ACY1: variants seen among roughly 807,000 people sequenced by gnomAD.
ACY1 encodes aminoacylase-1.
A neutral mutation model predicts 53.3 loss-of-function variants in ACY1; 38 were observed. The observed-to-expected ratio is 0.71, with a 90% CI of 0.55 to 0.93. The LOEUF is 0.93. Among genes scored for constraint, ACY1 ranks in the 40% least tolerant of loss-of-function variants. The pLI is 0.00. For synonymous variants in ACY1, 177 were observed against 202.1 expected (o/e 0.88, Z 1.05); for missense variants, 484 against 540.9 (o/e 0.89, Z 1.04).
intron 4 of ACY1, 74 bp from the exon 5 acceptor site, chr3:51,985,778 A>G: frequency 7.8e-7 from 1 of 1,288,446 alleles, no homozygotes; most frequent in Middle Eastern, 1.8e-4. Context: ...CTCCTAGGGC[A>G]GGGCCACTGT....
intron 5 of ACY1, 83 bp from the exon 6 acceptor site, chr3:51,986,172 A>G: frequency 7.0e-7 from 1 of 1,422,418 alleles, no homozygotes; most frequent in South Asian, 1.2e-5. Context: ...TCCAGGACAC[A>G]GGACTCCAGC....
rs371090325 is a variant in ACY1, at chr3:51,984,842, A to G, written c.95-365A>G. 1.2e-3 allele frequency: 345 copies of G among 292,544 alleles called. 2 individuals are homozygous for G. The highest frequency in any genetic ancestry group is 7.4e-3 in the African/African-American group (331 of 44,574). 18.1% of individuals were successfully genotyped at this position (292,544 alleles called of 1,614,324 possible). On this transcript the variant is annotated intron_variant, in intron 2 of 14. Transcript: ENST00000636358. ...AAAAAAAAAAAAAAAAAGGAAAAGAAAAAAAAAAAACTTAGTGGCTGGGAA... is the reference window on the plus strand; with the variant it reads ...AAAAAAAAAAAAAAAAAGGAAAAGAGAAAAAAAAAACTTAGTGGCTGGGAA...
At chr3:51,986,800 T>C in intron 8 of ACY1, 139 bp downstream of exon 8, 1 of 1,312,262 alleles carries the variant, frequency 7.6e-7, no homozygotes. Context: ...CCCAGCTCTT[T>C]CCTATCTGAG....
In ACY1 at chr3:51,986,984, C is replaced by G. The variant is rs778785581; in HGVS notation, c.584-4C>G. 3 of 1,612,068 alleles carry G rather than the reference C, an allele frequency of 1.9e-6. No homozygotes were observed. The highest frequency in any genetic ancestry group is 2.2e-5 in the East Asian group (1 of 44,886). ...GACACTGCCTTCCCCCTACACCTCC[C>G]CAGGGGTGCGGGTTACCAGCACTGG... On this transcript the variant is annotated splice_polypyrimidine_tract_variant and splice_region_variant and intron_variant, in intron 8 of 14. Coordinates refer to ENST00000636358, the MANE Select transcript of ACY1 (RefSeq NM_000666.3).
Position 51,985,960 on chromosome 3 carries a change from A to C in ACY1, c.359+14A>C, listed in dbSNP as rs1306238286. On this transcript the variant is annotated intron_variant, in intron 5 of 14. Transcript: ENST00000636358. ...CGTCAGCATCCAGTGAGTGTCCTCC[A>C]TTCCTACTCCTCCACAATGTCCCCA... 6.2e-7 allele frequency: 1 copy of C among 1,603,804 alleles called. No individual in the cohort carries two copies. The highest frequency in any genetic ancestry group is 2.2e-5 in the East Asian group (1 of 44,500).
chr3:51,985,190 A>T lies in ACY1; in HGVS notation c.95-17A>T. On this transcript the variant is annotated splice_polypyrimidine_tract_variant and intron_variant, in intron 2 of 14. Coordinates refer to ENST00000636358, the MANE Select transcript of ACY1 (RefSeq NM_000666.3). Reference sequence around the variant, plus strand: ...GTGGGTAGGCAGAAGCAGCCCCAAGACACTCTGTGCCTCCAGGAGCTGCTG... The same window carrying T: ...GTGGGTAGGCAGAAGCAGCCCCAAGTCACTCTGTGCCTCCAGGAGCTGCTG... 6.3e-7 allele frequency: 1 copy of T among 1,598,156 alleles called. No homozygotes were observed.
At chr3:51,984,264 T>A in intron 2 of ACY1, 106 bp downstream of exon 2, 2 of 1,060,512 alleles carry the variant, frequency 1.9e-6, no homozygotes, top group South Asian at 2.7e-5. Context: ...CACTCTGCTG[T>A]CCCAAATGGC....
chr3:51,988,033 T>C (rs1701134309), intron 12 of ACY1: 1 of 297,426 alleles, frequency 3.4e-6, no homozygotes, highest in Non-Finnish European at 6.5e-6. Flanking sequence ...GCCCAGCTAA[T>C]TTTTGCATTT....
At chr3:51,985,138 C>G (rs1701011793) in intron 2 of ACY1, 69 bp from the exon 3 acceptor site, 1 of 1,525,772 alleles carries the variant, frequency 6.6e-7, no homozygotes, top group South Asian at 1.2e-5. Context: ...GCTCCACTCT[C>G]CGGGCTGCCT....
At chr3:51,984,840 G>GAAAA in intron 2 of ACY1, 1 of 211,530 alleles carries the variant, frequency 4.7e-6, no homozygotes. Context: ...AAAAGGAAAA[G>GAAAA]AAAAAAAAAA....
Position 51,986,507 on chromosome 3 carries a change from G to A in ACY1, c.526+3G>A. 2 of 1,614,128 alleles carry A rather than the reference G, an allele frequency of 1.2e-6. No individual in the cohort carries two copies. Among genetic ancestry groups the A allele is most frequent in the Middle Eastern group, 1.6e-4 (1 of 6,062 alleles). On this transcript the variant is annotated splice_donor_region_variant and intron_variant, in intron 7 of 14. Coordinates refer to ENST00000636358, the MANE Select transcript of ACY1 (RefSeq NM_000666.3). Reference sequence around the variant, plus strand: ...GGCAGGCTTTGCCCTGGATGAGGGTGAGCAGGTTGGCAAGCCAATGAGCAG... The same window carrying A: ...GGCAGGCTTTGCCCTGGATGAGGGTAAGCAGGTTGGCAAGCCAATGAGCAG...
intron 6 of ACY1, 37 bp downstream of exon 6, chr3:51,986,368 G>A (rs771815876): frequency 6.2e-7 from 1 of 1,608,418 alleles, no homozygotes. Flanking sequence ...AAAGGGGAGG[G>A]TGGGGCGGGG....
rs1430903744 is a variant in ACY1, at chr3:51,986,673, C to G, written c.583+12C>G. On this transcript the variant is annotated intron_variant, in intron 8 of 14. Coordinates refer to ENST00000636358, the MANE Select transcript of ACY1 (RefSeq NM_000666.3). ...GCGGAGTCCCTGGTGTAAGTATGAG[C>G]TTGGAGGGAGGGCTCACTCTACAGG... 3.1e-6 allele frequency: 5 copies of G among 1,613,494 alleles called. No individual in the cohort carries two copies. The South Asian group carries it at 5.5e-5, about 18-fold the overall frequency.
At chr3:51,984,270 A>C in intron 2 of ACY1, 112 bp downstream of exon 2, 4 of 963,886 alleles carry the variant, frequency 4.1e-6, no homozygotes, top group Non-Finnish European at 6.5e-6. Flanking sequence ...GCTGTCCCAA[A>C]TGGCTCCCCA....
Position 51,988,596 on chromosome 3 carries a change from A to C in ACY1, c.994A>C (p.Lys332Gln), listed in dbSNP as rs762117538. 1 of 1,614,096 alleles carries C rather than the reference A, an allele frequency of 6.2e-7. No individual in the cohort carries two copies. The highest frequency in any genetic ancestry group is 8.5e-7 in the Non-Finnish European group (1 of 1,179,998). ...GTGGGCAGCTTTTAGCCGGGTCTGCAAGGATATGTGAGCACGCTGGCCAGC... is the reference window on the plus strand; with the variant it reads ...GTGGGCAGCTTTTAGCCGGGTCTGCCAGGATATGTGAGCACGCTGGCCAGC... Reference protein sequence around the residue: ...PWWAAFSRVCKDMNLTLEPEI... With the variant: ...PWWAAFSRVCQDMNLTLEPEI... The change falls in exon 13 of 15, where the codon AAG becomes CAG. Residue 332 changes from lysine (K) to glutamine (Q), a missense_variant. Coordinates refer to ENST00000636358, the MANE Select transcript of ACY1 (RefSeq NM_000666.3).
Position 51,985,444 on chromosome 3 carries a change from G to A in ACY1, c.243G>A (p.Thr81=), listed in dbSNP as rs757187467. 17 of 1,613,918 alleles carry A rather than the reference G, an allele frequency of 1.1e-5. No individual in the cohort carries two copies. Among genetic ancestry groups the A allele is most frequent in the East Asian group, 6.7e-5 (3 of 44,892 alleles). ...TLSSILLNSH[T]DVVPVFKEHW... ...CCTCCATCTTGCTCAACTCCCACAC[G>A]GATGTGGTGCCTGTCTTCAAGGTGT... The change falls in exon 4 of 15, where the codon ACG becomes ACA. Residue 81 remains threonine, a synonymous_variant. Coordinates refer to ENST00000636358, the MANE Select transcript of ACY1 (RefSeq NM_000666.3).
rs1028748743 is a variant in ACY1, at chr3:51,988,609, C to G, written c.1001+6C>G. On this transcript the variant is annotated splice_donor_region_variant and intron_variant, in intron 13 of 14. Transcript: ENST00000636358. Reference sequence around the variant, plus strand: ...AGCCGGGTCTGCAAGGATATGTGAGCACGCTGGCCAGCTCTCCTCACAGCC... The same window carrying G: ...AGCCGGGTCTGCAAGGATATGTGAGGACGCTGGCCAGCTCTCCTCACAGCC... 8.7e-6 allele frequency: 14 copies of G among 1,614,118 alleles called. No homozygotes were observed. The highest frequency in any genetic ancestry group is 1.1e-5 in the Non-Finnish European group (13 of 1,179,984).
rs769973427 is a variant in ACY1, at chr3:51,985,381, G to A, written c.180G>A (p.Val60=). The A allele has an allele frequency of 2.7e-5, 44 of 1,613,974 alleles. No homozygotes were observed. Among genetic ancestry groups the A allele is most frequent in the Non-Finnish European group, 3.3e-5 (39 of 1,180,028 alleles). The change falls in exon 4 of 15, where the codon GTG becomes GTA. Residue 60 remains valine, a synonymous_variant. Coordinates refer to ENST00000636358, the MANE Select transcript of ACY1 (RefSeq NM_000666.3). ...TCCAGGTGGCACCTGGCTATGTGGTGACCGTGTTGACCTGGCCAGGCACCA... is the reference window on the plus strand; with the variant it reads ...TCCAGGTGGCACCTGGCTATGTGGTAACCGTGTTGACCTGGCCAGGCACCA... ...QKVEVAPGYV[V]TVLTWPGTNP... is the part of the protein sequence containing the mutation.
At position 51,987,051 on chromosome 3, in the gene ACY1, C is replaced by T. The variant is rs752566245; in HGVS notation, c.647C>T (p.Ala216Val). Residue 216 changes from alanine to valine, a missense_variant, in exon 9 of 15, where the codon GCA becomes GTA. By Grantham distance (64) the Ala-to-Val change is moderately conservative. Coordinates refer to ENST00000636358, the MANE Select transcript of ACY1 (RefSeq NM_000666.3). Reference sequence around the variant, plus strand: ...TCACGCTTCATGGAGGACACAGCAGCAGAGAAGCTGGTACGTGGCACCCCA... The same window carrying T: ...TCACGCTTCATGGAGGACACAGCAGTAGAGAAGCTGGTACGTGGCACCCCA... ...HASRFMEDTA[A>V]EKLHKVVNSI... The T allele has an allele frequency of 1.9e-6, 3 of 1,613,762 alleles. No individual in the cohort carries two copies. In the African/African-American group the frequency reaches 4.0e-5, roughly 22 times the overall value.
Sources: allele counts gnomAD v4.1 joint callset, GRCh38; gene constraint gnomAD v4.1.1; transcripts MANE v1.5; gene names NCBI Gene and HGNC (gene_info 2026-07-23, HGNC 2026-07-21).